Variants in CPLX1 observed in about 807,000 individuals in gnomAD.
The protein encoded by CPLX1 is complexin-1.
CPLX1 carries 6 observed loss-of-function variants against 15.6 expected under a neutral mutation model. The observed-to-expected ratio is 0.39, with a 90% CI of 0.21 to 0.76. CPLX1 has a LOEUF of 0.76. Ranked by LOEUF, CPLX1 falls within the 30% of genes least tolerant of loss-of-function variation. CPLX1 has a pLI of 0.43. For missense variants in CPLX1, 242 were observed against 188.6 expected (o/e 1.28, Z -1.66); for synonymous variants, 91 against 75.2 (o/e 1.21, Z -1.08).
intron 2 of CPLX1, among the ~76,000 whole-genome samples, chr4:799,287 C>T (rs910751605): frequency 2.6e-5 from 4 of 152,246 alleles, no homozygotes; most frequent in African/African-American, 7.2e-5. Context: ...CCCTTTTCAT[C>T]GGTCGCATTT....
rs537250069 is a variant in CPLX1, at chr4:805,381, G to C, written c.32-12773C>G. 2.6e-5 allele frequency among the ~76,000 whole-genome samples: 4 copies of C among 152,304 alleles called. No homozygotes were observed. The South Asian group carries it at 8.3e-4, about 32-fold the overall frequency. On this transcript the variant is annotated intron_variant, in intron 2 of 3. Transcript: ENST00000304062. ...CTCATGGAATGCTTACAAGGGCCAG[G>C]TGTCAGTCTGCACCACAATGAGATA...
chr4:811,851 G>C (rs1439252581), intron 2 of CPLX1, among the ~76,000 whole-genome samples: 1 of 152,104 alleles, frequency 6.6e-6, no homozygotes, highest in East Asian at 1.9e-4. Flanking sequence ...ACCTCCTTCT[G>C]TCTTTGCTGA....
intron 3 of CPLX1, among the ~76,000 whole-genome samples, chr4:789,456 C>G (rs912347759): frequency 2.6e-5 from 4 of 152,252 alleles, no homozygotes; most frequent in African/African-American, 9.6e-5. Flanking sequence ...TAGGACCAAA[C>G]AGCCAGCATT....
In CPLX1 at chr4:824,787, G is replaced by A. The variant is rs1746943480; in HGVS notation, c.-79-186C>T. 13 of 675,814 alleles carry A rather than the reference G, an allele frequency of 1.9e-5. No individual in the cohort carries two copies. The East Asian group carries it at 3.4e-4, about 18-fold the overall frequency. 41.9% of individuals were successfully genotyped at this position (675,814 alleles called of 1,614,324 possible). A position where few individuals can be genotyped will look rare whatever the true frequency, so the allele number is the denominator to read the frequency against. On this transcript the variant is annotated intron_variant, in intron 1 of 3. Transcript: ENST00000304062. ...CCCAAACCAGGACCCCAGAGGACCT[G>A]AAAATGGTCTCCCCAGCTCCTGGGG...
intron 2 of CPLX1, among the ~76,000 whole-genome samples, chr4:810,524 T>C (rs1692649655): frequency 6.6e-6 from 1 of 152,194 alleles, no homozygotes; most frequent in Non-Finnish European, 1.5e-5. Flanking sequence ...CATGCGTGAG[T>C]GGCTCTGTTG....
intron 2 of CPLX1, among the ~76,000 whole-genome samples, chr4:794,023 T>C (rs1370189634): frequency 1.3e-5 from 2 of 152,250 alleles, no homozygotes; most frequent in African/African-American, 4.8e-5. Context: ...ACTATGCTGA[T>C]ACCGGGAAGC....
chr4:794,255 C>T (rs1321323012), intron 2 of CPLX1, among the ~76,000 whole-genome samples: 1 of 152,246 alleles, frequency 6.6e-6, no homozygotes, highest in Non-Finnish European at 1.5e-5. Context: ...CAGGCGCCGC[C>T]GACTGCACCT....
intron 2 of CPLX1, among the ~76,000 whole-genome samples, chr4:795,950 G>A (rs1274527188): frequency 6.6e-6 from 1 of 152,136 alleles, no homozygotes; most frequent in Non-Finnish European, 1.5e-5. Context: ...AGGGCCGCGC[G>A]TTTCCAGCCC....
chr4:807,409 C>T (rs1746575530), intron 2 of CPLX1, among the ~76,000 whole-genome samples: 1 of 152,128 alleles, frequency 6.6e-6, no homozygotes, highest in South Asian at 2.1e-4. Context: ...TGCAGCAAAC[C>T]ATCATGGTAC....
intron 2 of CPLX1, among the ~76,000 whole-genome samples, chr4:803,047 A>G (rs1746487183): frequency 6.6e-6 from 1 of 152,224 alleles, no homozygotes; most frequent in African/African-American, 2.4e-5. Flanking sequence ...GAGGAAATTC[A>G]TAGTCCTTCA....
chr4:786,920 G>T (rs1037245346), intron 3 of CPLX1: 3 of 978,632 alleles, frequency 3.1e-6, no homozygotes, highest in Admixed American at 6.1e-5. Context: ...GCTGACATGG[G>T]GGGGAGCAGG....
Position 818,225 on chromosome 4 carries a change from G to T in CPLX1, c.31+6267C>A, listed in dbSNP as rs80189576. Among the ~76,000 whole-genome samples, 696 of 152,328 alleles carry T rather than the reference G, an allele frequency of 4.6e-3. 4 individuals carry two copies. The highest frequency in any genetic ancestry group is 8.9e-3 in the Non-Finnish European group (602 of 68,012). On this transcript the variant is annotated intron_variant, in intron 2 of 3. Coordinates refer to ENST00000304062, the MANE Select transcript of CPLX1 (RefSeq NM_006651.4). ...GCCCTTGGGGAGGGGAGGCACCGAG[G>T]CGCTGGAGAGGTGTTGCAGCACCGG...
At chr4:818,954 G>T (rs767032755) in intron 2 of CPLX1, among the ~76,000 whole-genome samples, 57 of 152,334 alleles carry the variant, frequency 3.7e-4, no homozygotes, top group Non-Finnish European at 3.2e-4. Flanking sequence ...TGTCCCCCTC[G>T]TCTGATCTCC....
At chr4:824,167 G>A (rs1746926557) in intron 2 of CPLX1, among the ~76,000 whole-genome samples, 1 of 152,210 alleles carries the variant, frequency 6.6e-6, no homozygotes, top group African/African-American at 2.4e-5. Flanking sequence ...TAAAGCCTAC[G>A]CCAGAGTGTG....
chr4:823,978 G>A (rs1255360483), intron 2 of CPLX1, among the ~76,000 whole-genome samples: 2 of 152,246 alleles, frequency 1.3e-5, no homozygotes, highest in East Asian at 1.9e-4. Flanking sequence ...CCCTGAGGAT[G>A]GCGCTGCCTC....
Position 792,463 on chromosome 4 carries a change from G to T in CPLX1, c.177C>A (p.Arg59=), listed in dbSNP as rs541047416. ...CTCGGATGCCCTGGCGCACGGCCTCGCGCTCCGCCTCCATCTTGGCGTACT... is the reference window on the plus strand; with the variant it reads ...CTCGGATGCCCTGGCGCACGGCCTCTCGCTCCGCCTCCATCTTGGCGTACT... ...KAKYAKMEAE[R]EAVRQGIRDK... Residue 59 remains arginine (R), a synonymous_variant, in exon 3 of 4, where the codon CGC becomes CGA. Transcript: ENST00000304062. The T allele has an allele frequency of 5.2e-5, 83 of 1,607,596 alleles. No individual in the cohort carries two copies. In the South Asian group the frequency reaches 7.8e-4, roughly 15 times the overall value.
At chr4:788,140 T>G in intron 3 of CPLX1, 1 of 985,302 alleles carries the variant, frequency 1.0e-6, no homozygotes, top group Non-Finnish European at 1.2e-6. Context: ...GCCCCTCCCC[T>G]GCCATCTCCT....
At chr4:795,486 T>C (rs1479280657) in intron 2 of CPLX1, among the ~76,000 whole-genome samples, 1 of 152,200 alleles carries the variant, frequency 6.6e-6, no homozygotes, top group Non-Finnish European at 1.5e-5. Flanking sequence ...ACGTGGTGCC[T>C]GAGGCTGGGA....
intron 3 of CPLX1, chr4:787,763 C>G: frequency 1.0e-6 from 1 of 985,296 alleles, no homozygotes; most frequent in Non-Finnish European, 1.2e-6. Flanking sequence ...AATACGCCTC[C>G]CCACGCCACA....
Sources: gnomAD v4.1 joint callset for allele counts (sites outside exome capture counted in the v4.1 genomes callset) on GRCh38, gnomAD v4.1.1 for gene constraint, MANE v1.5 for transcripts, NCBI Gene and HGNC (gene_info 2026-07-23, HGNC 2026-07-21) for gene names.